ASH1L: variants seen among roughly 807,000 people sequenced by gnomAD.
The protein encoded by ASH1L is ASH1 like histone lysine methyltransferase, also known as histone-lysine N-methyltransferase ASH1L.
ASH1L carries 23 observed loss-of-function variants against 269.0 expected under a neutral mutation model. That is an observed-to-expected ratio of 0.09 (90% CI 0.06 to 0.12). The LOEUF (loss-of-function observed/expected upper bound fraction) is 0.12, where lower values mean the gene tolerates loss of function less well. Ranked by LOEUF, ASH1L falls within the 10% of genes least tolerant of loss-of-function variation. The probability of loss-of-function intolerance (pLI) is 1.00; values close to 1 mark genes in which losing one functional copy is unlikely to be tolerated. For missense variants in ASH1L, 2,912 were observed against 3,567.8 expected (o/e 0.82, Z 4.68); for synonymous variants, 1,187 against 1,253.5 (o/e 0.95, Z 1.12).
intron 5 of ASH1L, among the ~76,000 whole-genome samples, chr1:155,434,870 A>T (rs939667799): frequency 5.3e-5 from 8 of 151,774 alleles, no homozygotes; most frequent in African/African-American, 1.7e-4. Flanking sequence ...GAAAAAAAGA[A>T]TTTAGTGCTG....
At position 155,457,082 on chromosome 1, in the gene ASH1L, G is replaced by C. The variant is rs926589521; in HGVS notation, c.5086+2715C>G. Among the ~76,000 whole-genome samples the C allele has an allele frequency of 5.9e-5, 9 of 152,168 alleles. No homozygotes were observed. The East Asian group carries it at 1.3e-3, about 23-fold the overall frequency. On this transcript the variant is annotated intron_variant, in intron 4 of 27. Transcript: ENST00000392403. ...GTTCTCTGTTAGCCGGGGTCCTAGA[G>C]GGAAGGCAACATGGAGTGGACTCTT... is the stretch of plus-strand genomic sequence containing the variant.
intron 2 of ASH1L, among the ~76,000 whole-genome samples, chr1:155,507,392 T>C (rs2148810616): frequency 6.6e-6 from 1 of 152,356 alleles, no homozygotes; most frequent in East Asian, 1.9e-4. Flanking sequence ...AAACCATTTT[T>C]GGACTGGAAA....
chr1:155,469,216 C>G (rs966512963), intron 3 of ASH1L, among the ~76,000 whole-genome samples: 1 of 151,256 alleles, frequency 6.6e-6, no homozygotes, highest in African/African-American at 2.4e-5. Context: ...CGGAGTTTCT[C>G]TCCTTGCCCA....
intron 2 of ASH1L, among the ~76,000 whole-genome samples, chr1:155,519,250 C>T (rs757690796): frequency 2.0e-5 from 3 of 151,990 alleles, no homozygotes; most frequent in Admixed American, 1.3e-4. Flanking sequence ...GCCTGACCAA[C>T]ATGGAGAAAC....
intron 1 of ASH1L, among the ~76,000 whole-genome samples, chr1:155,557,262 ATTTAT>A (rs958869184): frequency 1.3e-5 from 2 of 151,554 alleles, no homozygotes; most frequent in Non-Finnish European, 1.5e-5. Context: ...TCATTATTTT[ATTTAT>A]TTATTTTTTT....
chr1:155,518,364 G>C (rs1323338598), intron 2 of ASH1L, among the ~76,000 whole-genome samples: 1 of 151,832 alleles, frequency 6.6e-6, no homozygotes. Context: ...TAATAATACA[G>C]GTAATAAAGG....
Position 155,337,735 on chromosome 1 carries a change from G to C in ASH1L, c.8820C>G (p.Tyr2940Ter). The change falls in exon 28 of 28, where the codon TAC becomes TAG. Residue 2940 changes from tyrosine (Y) to a stop codon, truncating the protein, a stop_gained. Transcript: ENST00000392403. LOFTEE classifies it high-confidence loss of function. ...TCCTGCCTGATCCTTCCTCCAGCAA[G>C]TAGGTCACATCAATGGCTGAAAACA... Reference protein sequence around the residue: ...IPGKNAIDVTYLLEEGSGRKL... With the variant: ...IPGKNAIDVT The C allele has an allele frequency of 6.2e-7, 1 of 1,614,028 alleles. No homozygotes were observed. The highest frequency in any genetic ancestry group is 8.5e-7 in the Non-Finnish European group (1 of 1,179,878).
intron 17 of ASH1L, among the ~76,000 whole-genome samples, 184 bp from the exon 18 acceptor site, chr1:155,349,780 T>G (rs545245536): frequency 6.9e-6 from 1 of 145,892 alleles, no homozygotes; most frequent in Non-Finnish European, 1.5e-5. Context: ...TGCAATGGCA[T>G]GATCTCAGCT....
intron 2 of ASH1L, among the ~76,000 whole-genome samples, chr1:155,491,033 T>C: frequency 6.8e-6 from 1 of 147,856 alleles, no homozygotes; most frequent in Non-Finnish European, 1.5e-5. Context: ...ATTGCATTTG[T>C]TTATATTTGA....
intron 13 of ASH1L, 126 bp from the exon 14 acceptor site, chr1:155,357,875 A>G (rs1357530045): frequency 2.3e-6 from 2 of 857,532 alleles, no homozygotes; most frequent in Non-Finnish European, 3.4e-6. Context: ...GGCTCAACTG[A>G]TCCTCCTATC....
At chr1:155,368,581 T>C (rs1655648049) in intron 12 of ASH1L, among the ~76,000 whole-genome samples, 1 of 151,998 alleles carries the variant, frequency 6.6e-6, no homozygotes, top group Non-Finnish European at 1.5e-5. Context: ...CACAGCCTCC[T>C]GAGCAGCTGG....
intron 2 of ASH1L, among the ~76,000 whole-genome samples, chr1:155,510,662 C>G (rs1668106678): frequency 6.6e-6 from 1 of 152,032 alleles, no homozygotes; most frequent in Admixed American, 6.6e-5. Flanking sequence ...GTTGGAGTTA[C>G]TCTTCTGGAA....
chr1:155,557,934 C>T (rs543503263), intron 1 of ASH1L, among the ~76,000 whole-genome samples: 10 of 152,256 alleles, frequency 6.6e-5, no homozygotes, highest in Admixed American at 4.6e-4. Context: ...AGGTTGTATA[C>T]TACCTTTAAA....
rs397981613 is a variant in ASH1L at position 155,345,174 on chromosome 1, CTTTTTTTTTTTTTT to C, written c.7891-915_7891-902del. Among the ~76,000 whole-genome samples, 10 of 64,038 alleles carry C rather than the reference CTTTTTTTTTTTTTT, an allele frequency of 1.6e-4. No individual in the cohort carries two copies. In the South Asian group the frequency reaches 7.6e-3, roughly 48 times the overall value. 42.0% of individuals were successfully genotyped at this position (64,038 alleles called of 152,430 possible). ...GTTTCACCATGTTAGCCAGGATGGT[CTTTTTTTTTTTTTT>C]TTTTTTTTTGGAGACTGAGTCTCAC... On this transcript the variant is annotated intron_variant, in intron 21 of 27. Transcript: ENST00000392403.
At chr1:155,433,581 A>C (rs2148602726) in intron 5 of ASH1L, 1 of 1,610,932 alleles carries the variant, frequency 6.2e-7, no homozygotes. Flanking sequence ...CAAAACCCGC[A>C]GGAGTCCCAG....
At chr1:155,355,939 TTTTTTTTTGTTTTTTGA>T (rs1654343350) in intron 15 of ASH1L, among the ~76,000 whole-genome samples, 1 of 148,746 alleles carries the variant, frequency 6.7e-6, no homozygotes, top group South Asian at 2.2e-4. Context: ...TTGCTTTTTG[TTTTTTTTTGTTTTTTGA>T]GACGGAGTTT....
chr1:155,553,721 C>T (rs757308913), intron 1 of ASH1L, among the ~76,000 whole-genome samples: 9 of 152,010 alleles, frequency 5.9e-5, no homozygotes, highest in Non-Finnish European at 1.3e-4. Context: ...TAGTATGTAT[C>T]GTAGTATGTT....
intron 3 of ASH1L, among the ~76,000 whole-genome samples, chr1:155,466,432 GAC>G (rs1216259420): frequency 6.6e-6 from 1 of 152,068 alleles, no homozygotes; most frequent in Non-Finnish European, 1.5e-5. Context: ...ATGCCCAAAT[GAC>G]ATCATTCACT....
chr1:155,439,329 T>C (rs1488229535), intron 4 of ASH1L, among the ~76,000 whole-genome samples: 1 of 152,050 alleles, frequency 6.6e-6, no homozygotes, highest in Non-Finnish European at 1.5e-5. Context: ...AAAAATTTAA[T>C]TCTTCAAAAA....
Sources: gnomAD v4.1 joint callset for allele counts (sites outside exome capture counted in the v4.1 genomes callset) on GRCh38, gnomAD v4.1.1 for gene constraint, MANE v1.5 for transcripts, NCBI Gene and HGNC (gene_info 2026-07-23, HGNC 2026-07-21) for gene names.